ZNF236: variants seen among roughly 807,000 people sequenced by gnomAD.
ZNF236 encodes zinc finger protein 236, also known as regulated by glucose.
Under a neutral mutation model 191.2 loss-of-function variants are expected in ZNF236, and 50 were observed. The observed-to-expected ratio is 0.26, with a 90% CI of 0.21 to 0.33. The LOEUF (loss-of-function observed/expected upper bound fraction) is 0.33, where lower values mean the gene tolerates loss of function less well. ZNF236 is among the 10% of genes least tolerant of loss of function. ZNF236 has a pLI of 1.00. For missense variants in ZNF236, 1,754 were observed against 2,374.5 expected, an observed-to-expected ratio of 0.74 and a Z score of 5.43; for synonymous variants, 907 against 928.8, an observed-to-expected ratio of 0.98 and a Z score of 0.43.
intron 1 of ZNF236, among the ~76,000 whole-genome samples, chr18:76,843,803 A>AAAAAAG (rs71172383): frequency 0.025 from 1,531 of 62,044 alleles, 398 homozygotes; most frequent in African/African-American, 0.035. Context: ...AAAAAAAAAA[A>AAAAAAG]AAGTAAAGAA....
chr18:76,919,696 C>A lies in ZNF236; in HGVS notation c.3275-80C>A. 7.4e-6 allele frequency: 11 copies of A among 1,488,734 alleles called. No individual in the cohort carries two copies. Among genetic ancestry groups the A allele is most frequent in the Non-Finnish European group, 1.0e-5 (11 of 1,084,608 alleles). The allele number at this position is 1,488,734 out of a possible 1,614,324, so 92.2% of individuals were successfully genotyped here. On this transcript the variant is annotated intron_variant, in intron 19 of 30. Transcript: ENST00000320610. The surrounding 1 kb of genome is among the most constrained non-coding windows in gnomAD (Gnocchi z 5.3). ...TTATTAATTTTCATTACATACATACCTATTTAGTTTTAATTGTTTTGCTAA... is the reference window on the plus strand; with the variant it reads ...TTATTAATTTTCATTACATACATACATATTTAGTTTTAATTGTTTTGCTAA...
At chr18:76,894,538 T>A (rs1242669789) in intron 9 of ZNF236, among the ~76,000 whole-genome samples, 1 of 152,244 alleles carries the variant, frequency 6.6e-6, no homozygotes, top group Non-Finnish European at 1.5e-5. Flanking sequence ...AATTGATATA[T>A]ACTATTTGTC....
chr18:76,832,699 T>G (rs1975208396), intron 1 of ZNF236, among the ~76,000 whole-genome samples: 1 of 152,144 alleles, frequency 6.6e-6, no homozygotes, highest in South Asian at 2.1e-4. Flanking sequence ...GCGATCATCT[T>G]GACAATTGTT....
chr18:76,896,974 A>G (rs970130636), intron 10 of ZNF236, among the ~76,000 whole-genome samples: 10 of 151,342 alleles, frequency 6.6e-5, no homozygotes, highest in African/African-American at 1.9e-4. Context: ...ACACAGTACA[A>G]CATACACAGT....
chr18:76,879,980 A>G, intron 7 of ZNF236, 133 bp from the exon 8 acceptor site: 2 of 803,238 alleles, frequency 2.5e-6, no homozygotes, highest in Non-Finnish European at 3.9e-6. Flanking sequence ...CATTATATTT[A>G]AAATTTATGT....
intron 25 of ZNF236, among the ~76,000 whole-genome samples, chr18:76,933,948 A>G (rs1967927392): frequency 6.6e-6 from 1 of 152,236 alleles, no homozygotes; most frequent in African/African-American, 2.4e-5. Flanking sequence ...TTGAGGCCAC[A>G]CCACTAATAA....
At chr18:76,952,801 G>A (rs1270980138) in intron 27 of ZNF236, among the ~76,000 whole-genome samples, 1 of 152,182 alleles carries the variant, frequency 6.6e-6, no homozygotes, top group East Asian at 1.9e-4. Context: ...GCAAGTTGGT[G>A]TTTCAAAGAA....
intron 9 of ZNF236, among the ~76,000 whole-genome samples, chr18:76,883,445 A>T (rs1976958338): frequency 7.1e-6 from 1 of 141,070 alleles, no homozygotes; most frequent in Admixed American, 7.5e-5. Context: ...TTTTTTTGAG[A>T]CTGGGTCTTG....
intron 14 of ZNF236, among the ~76,000 whole-genome samples, chr18:76,909,310 C>T (rs1276630997): frequency 2.0e-5 from 2 of 97,822 alleles, no homozygotes; most frequent in East Asian, 2.8e-4. Flanking sequence ...GTGAGTGAGA[C>T]TCTGTCTCAA....
intron 11 of ZNF236, among the ~76,000 whole-genome samples, chr18:76,901,157 A>G (rs1977581745): frequency 6.6e-6 from 1 of 152,198 alleles, no homozygotes. Flanking sequence ...GGAATTGGAG[A>G]TAGAAGACAA....
At chr18:76,870,362 T>A (rs1976545987) in intron 4 of ZNF236, among the ~76,000 whole-genome samples, 1 of 152,184 alleles carries the variant, frequency 6.6e-6, no homozygotes, top group African/African-American at 2.4e-5. Context: ...CACTCCAGAT[T>A]TTTATTCTCA....
In ZNF236 at chr18:76,923,224, C is replaced by T. The variant is rs1197267997; in HGVS notation, c.3661+50C>T. 3.1e-6 allele frequency: 4 copies of T among 1,279,054 alleles called. No homozygotes were observed. The African/African-American group carries it at 5.9e-5, about 19-fold the overall frequency. 79.2% of individuals were successfully genotyped at this position (1,279,054 alleles called of 1,614,324 possible). On this transcript the variant is annotated intron_variant, in intron 21 of 30. Coordinates refer to ENST00000320610, the MANE Select transcript of ZNF236 (RefSeq NM_001306089.2). ...TGGTAGAGGTCTTAGGATAGCATTTCGTATGTTTTGTTCCTATATATTTTG... is the reference window on the plus strand; with the variant it reads ...TGGTAGAGGTCTTAGGATAGCATTTTGTATGTTTTGTTCCTATATATTTTG...
At chr18:76,918,793 A>C (rs1329684261) in intron 19 of ZNF236, among the ~76,000 whole-genome samples, 5 of 152,110 alleles carry the variant, frequency 3.3e-5, no homozygotes, top group African/African-American at 1.2e-4. Context: ...GGCCTGAAGC[A>C]ATCTTTCCAT....
rs775622364 is a variant in ZNF236 at position 76,851,880 on chromosome 18, A to T, written c.304A>T (p.Lys102Ter). 6.2e-7 allele frequency: 1 copy of T among 1,613,964 alleles called. No homozygotes were observed. Among genetic ancestry groups the T allele is most frequent in the South Asian group, 1.1e-5 (1 of 90,980 alleles). ...GEDPTCPVCN[K>*]KFSRVASLKA... ...AGATCCTACCTGCCCTGTGTGTAAC[A>T]AGAAATTCTCCAGAGTGGCTAGTCT... Residue 102 changes from lysine to a stop codon, truncating the protein, a stop_gained, in exon 3 of 31, where the codon AAG (lysine) becomes TAG (stop). Coordinates refer to ENST00000320610, the MANE Select transcript of ZNF236 (RefSeq NM_001306089.2). LOFTEE classifies it high-confidence loss of function.
intron 1 of ZNF236, among the ~76,000 whole-genome samples, chr18:76,829,570 C>T (rs563779915): frequency 6.6e-6 from 1 of 152,188 alleles, no homozygotes; most frequent in East Asian, 1.9e-4. Context: ...TCAAGCTATC[C>T]CCTGCCTTAG....
At chr18:76,942,898 C>T (rs189842928) in intron 26 of ZNF236, among the ~76,000 whole-genome samples, 2,069 of 148,942 alleles carry the variant, frequency 0.014, 46 homozygotes, top group African/African-American at 0.047. Flanking sequence ...CCGAGGCGGG[C>T]GGATCACGAG....
intron 3 of ZNF236, among the ~76,000 whole-genome samples, chr18:76,864,041 G>T (rs1033600607): frequency 6.6e-6 from 1 of 152,158 alleles, no homozygotes; most frequent in Non-Finnish European, 1.5e-5. Context: ...AGAATGAAAA[G>T]ACTGACTTCC....
At chr18:76,829,719 C>T (rs1407617429) in intron 1 of ZNF236, among the ~76,000 whole-genome samples, 3 of 152,212 alleles carry the variant, frequency 2.0e-5, no homozygotes, top group African/African-American at 4.8e-5. Context: ...TCACAAAAAA[C>T]ATCTGCCTAG....
intron 18 of ZNF236, 61 bp downstream of exon 18, chr18:76,913,959 T>C (rs1967288487): frequency 3.2e-6 from 5 of 1,568,888 alleles, no homozygotes; most frequent in South Asian, 2.2e-5. Flanking sequence ...TATTGAGATA[T>C]AATCCATATA....
Sources: allele counts gnomAD v4.1 joint callset (sites outside exome capture counted in the v4.1 genomes callset), GRCh38; gene constraint gnomAD v4.1.1; non-coding constraint Gnocchi (gnomAD v3.1); transcripts MANE v1.5; gene names NCBI Gene and HGNC (gene_info 2026-07-23, HGNC 2026-07-21).